BACH2: variants seen among roughly 807,000 people sequenced by gnomAD.
The protein encoded by BACH2 is transcription regulator protein BACH2.
In BACH2, 5 loss-of-function variants were observed where a neutral mutation model predicts 61.8. That is an observed-to-expected ratio of 0.08 (90% CI 0.04 to 0.17). The LOEUF is 0.17. Among genes scored for constraint, BACH2 ranks in the 10% least tolerant of loss-of-function variants. BACH2 has a pLI of 1.00. For synonymous variants in BACH2, 446 were observed against 440.1 expected (o/e 1.01, Z -0.17); for missense variants, 824 against 1,091.1 (o/e 0.76, Z 3.45).
intron 5 of BACH2, among the ~76,000 whole-genome samples, chr6:90,047,074 G>T (rs1449097835): frequency 1.3e-5 from 2 of 152,162 alleles, no homozygotes; most frequent in African/African-American, 4.8e-5. Context: ...GGGATTACAG[G>T]CATCTGCCAT....
At chr6:90,010,204 A>G (rs1460991188) in intron 5 of BACH2, among the ~76,000 whole-genome samples, 1 of 152,174 alleles carries the variant, frequency 6.6e-6, no homozygotes, top group Non-Finnish European at 1.5e-5. Context: ...TAGTAAACAA[A>G]TCCATCATCA....
chr6:90,035,667 CAAGATTT>C (rs1779226637), intron 5 of BACH2, among the ~76,000 whole-genome samples: 1 of 151,840 alleles, frequency 6.6e-6, no homozygotes, highest in Admixed American at 6.6e-5. Flanking sequence ...GGTTTGAATT[CAAGATTT>C]CATTACAGCT....
chr6:89,942,894 G>C (rs1266358718), intron 7 of BACH2, among the ~76,000 whole-genome samples: 1 of 152,220 alleles, frequency 6.6e-6, no homozygotes. Flanking sequence ...CAGCAGGACC[G>C]AGGTGGGTTT....
chr6:90,068,260 T>C (rs899216043), intron 5 of BACH2, among the ~76,000 whole-genome samples: 3 of 152,192 alleles, frequency 2.0e-5, no homozygotes, highest in Non-Finnish European at 2.9e-5. Context: ...GTACAGAATA[T>C]ATTCACTCAA....
chr6:90,276,985 A>AC (rs1163044537), intron 1 of BACH2, among the ~76,000 whole-genome samples: 1 of 152,120 alleles, frequency 6.6e-6, no homozygotes, highest in Admixed American at 6.5e-5. Flanking sequence ...AAATTCCTCT[A>AC]CCTTGGACCT....
rs561835794 is a variant in BACH2 at position 90,260,397 on chromosome 6, T to C, written c.-352-7807A>G. On this transcript the variant is annotated intron_variant, in intron 2 of 8. Coordinates refer to ENST00000257749, the MANE Select transcript of BACH2 (RefSeq NM_021813.4). ...GTCACTGATGTCTAGTTTATACCAC[T>C]GTGGTTTGAAGTTATATCTGAAATG... Among the ~76,000 whole-genome samples the C allele has an allele frequency of 2.6e-5, 4 of 152,352 alleles. No individual in the cohort carries two copies. In the South Asian group the frequency reaches 8.3e-4, roughly 32 times the overall value.
chr6:90,177,210 T>C (rs540101831), intron 4 of BACH2, among the ~76,000 whole-genome samples: 1 of 152,298 alleles, frequency 6.6e-6, no homozygotes, highest in South Asian at 2.1e-4. Context: ...GCTGCTCTCA[T>C]TACATTCAAT....
intron 5 of BACH2, among the ~76,000 whole-genome samples, chr6:90,018,114 G>T (rs1024389217): frequency 1.3e-5 from 2 of 152,162 alleles, no homozygotes; most frequent in Non-Finnish European, 2.9e-5. Flanking sequence ...TTCTAGTCTG[G>T]CTGGTAGGAA....
intron 4 of BACH2, among the ~76,000 whole-genome samples, chr6:90,100,679 C>CT (rs1183906019): frequency 1.8e-5 from 1 of 55,510 alleles, no homozygotes; most frequent in Non-Finnish European, 3.7e-5. Flanking sequence ...CCTTTCCTCT[C>CT]TCTCTCTACA....
chr6:89,927,866 A>G lies in BACH2; in HGVS notation c.*4542T>C, dbSNP rs1013256495. The G allele has an allele frequency of 6.5e-6, 1 of 152,748 alleles. No individual in the cohort carries two copies. Among genetic ancestry groups the G allele is most frequent in the African/African-American group, 2.4e-5 (1 of 41,460 alleles). The allele number at this position is 152,748 out of a possible 1,614,324, so 9.5% of individuals were successfully genotyped here. On this transcript the variant is annotated 3_prime_UTR_variant, in exon 9 of 9. Transcript: ENST00000257749. ...TTCTATGTACAAATGCTATTTGCAC[A>G]CACTATTTGTGTACAGATATGTTCT...
chr6:90,186,022 A>T (rs898528439), intron 4 of BACH2, among the ~76,000 whole-genome samples: 4 of 152,100 alleles, frequency 2.6e-5, no homozygotes, highest in Admixed American at 6.6e-5. Context: ...CTTTTAAAAA[A>T]TTTTTTTGCA....
chr6:90,009,171 A>C (rs1459422264), intron 5 of BACH2, among the ~76,000 whole-genome samples: 1 of 152,236 alleles, frequency 6.6e-6, no homozygotes. Context: ...TGGTATTTTA[A>C]AACTTGGTGG....
At chr6:90,219,604 G>A (rs993073718) in intron 3 of BACH2, among the ~76,000 whole-genome samples, 5 of 152,128 alleles carry the variant, frequency 3.3e-5, no homozygotes, top group African/African-American at 1.2e-4. Context: ...TTGTAAACAC[G>A]CCAGAGGGCC....
At chr6:90,175,535 C>T (rs1174211735) in intron 4 of BACH2, among the ~76,000 whole-genome samples, 3 of 151,966 alleles carry the variant, frequency 2.0e-5, no homozygotes. Context: ...AAAACCTAAT[C>T]CCTTCTTTTG....
At chr6:90,103,031 T>TATATATATA (rs59852999) in intron 4 of BACH2, among the ~76,000 whole-genome samples, 47 of 29,186 alleles carry the variant, frequency 1.6e-3, no homozygotes, top group African/African-American at 7.0e-3. Context: ...ATATATATAT[T>TATATATATA]TTTTTTTTTT....
chr6:90,039,041 CAA>C lies in BACH2; in HGVS notation c.-12-30187_-12-30186del, dbSNP rs779828857. ...GGAAACAAGAGTGAAACTCCGTCTC[CAA>C]AAAAAAAAAAAAAAGTTTACATACT... On this transcript the variant is annotated intron_variant, in intron 5 of 8. Coordinates refer to ENST00000257749, the MANE Select transcript of BACH2 (RefSeq NM_021813.4). 7.9e-3 allele frequency among the ~76,000 whole-genome samples: 806 copies of C among 101,760 alleles called. 41 individuals are homozygous for C. In the East Asian group the frequency reaches 0.17, roughly 22 times the overall value. The allele number at this position is 101,760 out of a possible 152,430, so 66.8% of individuals were successfully genotyped here.
At chr6:89,934,711 T>G (rs1311580740) in intron 8 of BACH2, among the ~76,000 whole-genome samples, 2 of 151,742 alleles carry the variant, frequency 1.3e-5, no homozygotes, top group Non-Finnish European at 2.9e-5. Flanking sequence ...TGGGGTTCCA[T>G]GAGGCACACA....
chr6:90,050,180 G>C (rs185189749), intron 5 of BACH2, among the ~76,000 whole-genome samples: 2 of 152,250 alleles, frequency 1.3e-5, no homozygotes, highest in East Asian at 1.9e-4. Context: ...CATTAAAATA[G>C]TGTCATCATT....
Position 90,172,338 on chromosome 6 carries a change from C to T in BACH2, c.-162+34231G>A, listed in dbSNP as rs192987787. Among the ~76,000 whole-genome samples the T allele has an allele frequency of 7.2e-3, 1,032 of 143,446 alleles. 16 individuals are homozygous for T. Among genetic ancestry groups the T allele is most frequent in the African/African-American group, 0.025 (969 of 39,016 alleles). 94.1% of individuals were successfully genotyped at this position (143,446 alleles called of 152,430 possible). ...AAAAAAAAAAAGACATTATACATAA[C>T]ATACAGAAGGAAAATATAAAAGAAA... On this transcript the variant is annotated intron_variant, in intron 4 of 8. Transcript: ENST00000257749.
Sources: gnomAD v4.1 joint callset for allele counts (sites outside exome capture counted in the v4.1 genomes callset) on GRCh38, gnomAD v4.1.1 for gene constraint, MANE v1.5 for transcripts, NCBI Gene and HGNC (gene_info 2026-07-23, HGNC 2026-07-21) for gene names.